SDK1: variants seen among roughly 807,000 people sequenced by gnomAD.
The protein encoded by SDK1 is sidekick cell adhesion molecule 1.
Under a neutral mutation model 245.5 loss-of-function variants are expected in SDK1, and 157 were observed. That is an observed-to-expected ratio of 0.64 (90% CI 0.56 to 0.73). SDK1 has a LOEUF of 0.73. Ranked by LOEUF, SDK1 falls within the 30% of genes least tolerant of loss-of-function variation. SDK1 has a pLI of 0.00. For missense variants in SDK1, 3,583 were observed against 3,002.3 expected (o/e 1.19, Z -4.52); for synonymous variants, 1,647 against 1,278.5 (o/e 1.29, Z -6.15).
Position 3,505,804 on chromosome 7 carries a change from G to A in SDK1, c.299-113276G>A, listed in dbSNP as rs543517826. ...CTTTTGAGTATGCACATTCTGCAGGGACAACTGCAGGACTTGAGTATGCTT... is the reference window on the plus strand; with the variant it reads ...CTTTTGAGTATGCACATTCTGCAGGAACAACTGCAGGACTTGAGTATGCTT... On this transcript the variant is annotated intron_variant, in intron 1 of 44. Transcript: ENST00000404826. 1.7e-4 allele frequency among the ~76,000 whole-genome samples: 26 copies of A among 152,230 alleles called. No homozygotes were observed. The South Asian group carries it at 5.2e-3, about 30-fold the overall frequency.
intron 24 of SDK1, 71 bp from the exon 25 acceptor site, chr7:4,113,966 C>T (rs940278493): frequency 1.3e-4 from 167 of 1,311,452 alleles, no homozygotes; most frequent in Non-Finnish European, 3.8e-5. Flanking sequence ...CAGGGCAGGC[C>T]CATCCCTTAC....
intron 36 of SDK1, among the ~76,000 whole-genome samples, chr7:4,206,283 C>T (rs530051427): frequency 2.7e-3 from 413 of 152,336 alleles, no homozygotes; most frequent in African/African-American, 9.8e-3. Context: ...ACTCTGGACG[C>T]ATGGCCTGGC....
At chr7:3,683,901 T>C (rs1413388767) in intron 4 of SDK1, among the ~76,000 whole-genome samples, 1 of 152,172 alleles carries the variant, frequency 6.6e-6, no homozygotes, top group East Asian at 1.9e-4. Flanking sequence ...TGTGGCCTAG[T>C]AACAAAAAAT....
At chr7:4,184,758 C>T (rs1043291999) in intron 35 of SDK1, among the ~76,000 whole-genome samples, 11 of 152,316 alleles carry the variant, frequency 7.2e-5, no homozygotes, top group South Asian at 6.2e-4. Flanking sequence ...TAGGACCCAA[C>T]GCCAACAAGC....
At chr7:3,572,983 C>T (rs1296840374) in intron 1 of SDK1, among the ~76,000 whole-genome samples, 1 of 151,984 alleles carries the variant, frequency 6.6e-6, no homozygotes, top group Non-Finnish European at 1.5e-5. Context: ...GCAGACGGAG[C>T]ATCTGGGGTG....
At chr7:3,765,533 GT>G (rs1414746983) in intron 4 of SDK1, among the ~76,000 whole-genome samples, 2 of 152,118 alleles carry the variant, frequency 1.3e-5, no homozygotes, top group Non-Finnish European at 2.9e-5. Flanking sequence ...GCTAGTTCTC[GT>G]TGTAGTGTCC....
At chr7:4,244,117 A>G (rs905213683) in intron 43 of SDK1, among the ~76,000 whole-genome samples, 2 of 152,142 alleles carry the variant, frequency 1.3e-5, no homozygotes, top group African/African-American at 2.4e-5. Context: ...AACACCCACG[A>G]CACAAAACCA....
In SDK1 at chr7:3,434,880, A is replaced by G. The variant is rs1315263609; in HGVS notation, c.298+132996A>G. Among the ~76,000 whole-genome samples the G allele has an allele frequency of 2.0e-5, 3 of 152,206 alleles. No homozygotes were observed. In the South Asian group the frequency reaches 6.2e-4, roughly 32 times the overall value. ...AGCCCAGAAAACTGAGATACAGGTT[A>G]GAATTGGCCATTTCATCGCAGTGTT... On this transcript the variant is annotated intron_variant, in intron 1 of 44. Transcript: ENST00000404826.
chr7:4,151,314 A>G (rs570503786), intron 30 of SDK1, among the ~76,000 whole-genome samples: 3 of 152,154 alleles, frequency 2.0e-5, no homozygotes, highest in East Asian at 3.9e-4. Flanking sequence ...CTGCAGTCTC[A>G]TGGTCCAAGC....
At chr7:4,025,896 C>A (rs1787303639) in intron 17 of SDK1, among the ~76,000 whole-genome samples, 1 of 152,242 alleles carries the variant, frequency 6.6e-6, no homozygotes, top group African/African-American at 2.4e-5. Context: ...TGATGTCCAA[C>A]AGCAACCCTT....
intron 1 of SDK1, among the ~76,000 whole-genome samples, chr7:3,369,007 A>G (rs930714864): frequency 2.6e-5 from 4 of 152,064 alleles, no homozygotes; most frequent in South Asian, 2.1e-4. Context: ...GTAAGTGTCA[A>G]TAATCATGTA....
At chr7:3,562,120 G>A (rs931332597) in intron 1 of SDK1, among the ~76,000 whole-genome samples, 4 of 152,186 alleles carry the variant, frequency 2.6e-5, no homozygotes, top group African/African-American at 4.8e-5. Flanking sequence ...CAGAGCCAGT[G>A]TTCACCTGGG....
chr7:4,152,239 T>A (rs10951447), intron 30 of SDK1, among the ~76,000 whole-genome samples: 1 of 151,910 alleles, frequency 6.6e-6, no homozygotes, highest in East Asian at 1.9e-4. Flanking sequence ...TCACTTGCCC[T>A]TTGAGCTACA....
chr7:3,850,854 G>A (rs1267626510), intron 5 of SDK1, among the ~76,000 whole-genome samples: 3 of 144,000 alleles, frequency 2.1e-5, no homozygotes, highest in African/African-American at 7.8e-5. Context: ...ACCGGGGCCT[G>A]TTGTGGGGTA....
chr7:4,139,773 C>G (rs1779446244), intron 28 of SDK1, among the ~76,000 whole-genome samples: 1 of 150,760 alleles, frequency 6.6e-6, no homozygotes, highest in Non-Finnish European at 1.5e-5. Context: ...TCTTGAAAAG[C>G]TGAAGCCCCA....
chr7:3,465,131 A>G (rs564992593), intron 1 of SDK1, among the ~76,000 whole-genome samples: 5 of 152,232 alleles, frequency 3.3e-5, no homozygotes, highest in African/African-American at 1.2e-4. Context: ...CTTGACGCAA[A>G]TTGGCATTGT....
chr7:3,553,378 T>G (rs1032472473), intron 1 of SDK1, among the ~76,000 whole-genome samples: 5 of 152,090 alleles, frequency 3.3e-5, no homozygotes, highest in African/African-American at 7.2e-5. Context: ...TTCTCCCAAC[T>G]AAATACAATG....
intron 4 of SDK1, among the ~76,000 whole-genome samples, chr7:3,771,305 A>G (rs1235217659): frequency 6.6e-6 from 1 of 152,108 alleles, no homozygotes; most frequent in Non-Finnish European, 1.5e-5. Flanking sequence ...CCATCACCTC[A>G]CTTGCGTCGA....
At chr7:4,144,501 C>T (rs1037529390) in intron 28 of SDK1, among the ~76,000 whole-genome samples, 5 of 151,536 alleles carry the variant, frequency 3.3e-5, no homozygotes, top group Non-Finnish European at 7.4e-5. Context: ...TGTGAGGATG[C>T]CCTTGAGGTC....
Sources: gnomAD v4.1 joint callset for allele counts (sites outside exome capture counted in the v4.1 genomes callset) on GRCh38, gnomAD v4.1.1 for gene constraint, MANE v1.5 for transcripts, NCBI Gene and HGNC (gene_info 2026-07-23, HGNC 2026-07-21) for gene names.